The following TFPI variants were observed in gnomAD, a reference collection of about 807,000 sequenced individuals.
TFPI encodes the protein anti-convertin.
TFPI carries 15 observed loss-of-function variants against 34.6 expected under a neutral mutation model. That is an observed-to-expected ratio of 0.43 (90% CI 0.29 to 0.67). The LOEUF (loss-of-function observed/expected upper bound fraction) is 0.67, where lower values mean the gene tolerates loss of function less well. Ranked by LOEUF, TFPI falls within the 30% of genes least tolerant of loss-of-function variation. The pLI is 0.15. For missense variants in TFPI, 301 were observed against 364.0 expected, an observed-to-expected ratio of 0.83 and a Z score of 1.41; for synonymous variants, 105 against 120.1, an observed-to-expected ratio of 0.87 and a Z score of 0.82.
chr2:187,486,527 A>G (rs1382013045), intron 4 of TFPI, among the ~76,000 whole-genome samples: 1 of 151,694 alleles, frequency 6.6e-6, no homozygotes, highest in Non-Finnish European at 1.5e-5. Context: ...ACAACAAACA[A>G]TAAACTGTAC....
chr2:187,547,356 A>AT (rs1369599220), intron 1 of TFPI: 2 of 152,228 alleles, frequency 1.3e-5, no homozygotes, highest in Admixed American at 1.3e-4. Flanking sequence ...TGTAAGTACA[A>AT]TAAACATGAC....
At chr2:187,519,114 T>G (rs1687201060) in intron 1 of TFPI, 1 of 152,192 alleles carries the variant, frequency 6.6e-6, no homozygotes, top group Non-Finnish European at 1.5e-5. Context: ...TGGAGGAGTT[T>G]ATTATCCACC....
At chr2:187,489,673 A>C (rs1684978989) in intron 3 of TFPI, among the ~76,000 whole-genome samples, 1 of 151,556 alleles carries the variant, frequency 6.6e-6, no homozygotes, top group East Asian at 1.9e-4. Context: ...ATGCTTGATT[A>C]ATACAATTTT....
In TFPI at chr2:187,467,822, A is replaced by C. The variant is rs775825146; in HGVS notation, c.739T>G (p.Tyr247Asp). Reference protein sequence around the residue: ...SVIGKCRPFKYSGCGGNENNF... With the variant: ...SVIGKCRPFKDSGCGGNENNF... ...TTTTCATTTCCCCCACATCCACTGT[A>C]CTTAAATGGGCGGCATTTCCCAATG... is the stretch of plus-strand genomic sequence containing the variant. The change falls in exon 7 of 8, where the codon TAC (tyrosine) becomes GAC (aspartate). Residue 247 changes from tyrosine to aspartate, a missense_variant. Coordinates refer to ENST00000233156, the MANE Select transcript of TFPI (RefSeq NM_006287.6). The C allele has an allele frequency of 2.5e-6, 4 of 1,612,720 alleles. No homozygotes were observed. Among genetic ancestry groups the C allele is most frequent in the Non-Finnish European group, 3.4e-6 (4 of 1,179,410 alleles).
intron 1 of TFPI, among the ~76,000 whole-genome samples, chr2:187,505,821 A>G (rs1686173227): frequency 1.3e-5 from 2 of 152,222 alleles, no homozygotes; most frequent in South Asian, 4.1e-4. Flanking sequence ...ATAGCATGGC[A>G]AATATTAATG....
At position 187,513,049 on chromosome 2, in the gene TFPI, T is replaced by C. The variant is rs1017651349; in HGVS notation, c.-2-9279A>G. Among the ~76,000 whole-genome samples, 12 of 152,134 alleles carry C rather than the reference T, an allele frequency of 7.9e-5. 1 individual carries two copies. Among genetic ancestry groups the C allele is most frequent in the Admixed American group, 7.2e-4 (11 of 15,268 alleles). On this transcript the variant is annotated intron_variant, in intron 1 of 7. Coordinates refer to ENST00000233156, the MANE Select transcript of TFPI (RefSeq NM_006287.6). ...TGCAAGGTGTATAAGGAAAGTAAAA[T>C]ATACCTTTGGTAAAGGGATTATAAG... is the stretch of plus-strand genomic sequence containing the variant.
At chr2:187,510,007 T>A (rs1686510505) in intron 1 of TFPI, among the ~76,000 whole-genome samples, 1 of 152,142 alleles carries the variant, frequency 6.6e-6, no homozygotes, top group Non-Finnish European at 1.5e-5. Flanking sequence ...AAATCACCCC[T>A]CCCATTGTCC....
intron 1 of TFPI, among the ~76,000 whole-genome samples, chr2:187,552,434 G>A (rs1040549452): frequency 1.3e-5 from 2 of 152,032 alleles, no homozygotes; most frequent in Non-Finnish European, 2.9e-5. Flanking sequence ...TTGAAAATTA[G>A]AGTTTATTAC....
intron 1 of TFPI, among the ~76,000 whole-genome samples, chr2:187,535,279 A>G (rs1688188930): frequency 6.6e-6 from 1 of 152,216 alleles, no homozygotes; most frequent in South Asian, 2.1e-4. Context: ...AATCAACAGA[A>G]TATATATTCT....
At chr2:187,554,125 A>C (rs1040887944) in intron 1 of TFPI, 75 bp downstream of exon 1, 4 of 151,974 alleles carry the variant, frequency 2.6e-5, no homozygotes, top group Non-Finnish European at 5.9e-5. Context: ...GCCTCTCAGC[A>C]CCCTGCTTTT....
chr2:187,472,899 C>T (rs1403215507), intron 6 of TFPI, among the ~76,000 whole-genome samples: 1 of 151,940 alleles, frequency 6.6e-6, no homozygotes, highest in Non-Finnish European at 1.5e-5. Context: ...GTGGTCCCAG[C>T]TACTAGGGAG....
intron 1 of TFPI, among the ~76,000 whole-genome samples, chr2:187,534,865 A>G (rs1277299155): frequency 2.0e-5 from 3 of 151,846 alleles, no homozygotes; most frequent in Non-Finnish European, 4.4e-5. Context: ...GTAAAGGGAT[A>G]GAGGAATATT....
chr2:187,517,479 A>C (rs931202166), intron 1 of TFPI: 1 of 152,146 alleles, frequency 6.6e-6, no homozygotes, highest in Non-Finnish European at 1.5e-5. Context: ...CCTGAGTTCT[A>C]ATTTGATTGC....
At position 187,497,020 on chromosome 2, in the gene TFPI, A is replaced by G; in HGVS notation, c.180T>C (p.Asp60=). 1 of 1,613,392 alleles carries G rather than the reference A, an allele frequency of 6.2e-7. No homozygotes were observed. The highest frequency in any genetic ancestry group is 8.5e-7 in the Non-Finnish European group (1 of 1,179,550). Reference sequence around the variant, plus strand: ...TTTTCATGATTGCTTTACATGGGCCATCATCCGCCTTGAATGCACAAAATG... The same window carrying G: ...TTTTCATGATTGCTTTACATGGGCCGTCATCCGCCTTGAATGCACAAAATG... ...MHSFCAFKAD[D]GPCKAIMKRF... Residue 60 remains aspartate, a synonymous_variant, in exon 3 of 8, where the codon GAT becomes GAC. Transcript: ENST00000233156.
At chr2:187,527,363 C>T (rs567000903) in intron 1 of TFPI, 1 of 152,206 alleles carries the variant, frequency 6.6e-6, no homozygotes, top group East Asian at 1.9e-4. Flanking sequence ...CAATGGAGAA[C>T]TTGCATAATC....
chr2:187,488,225 ATATC>A lies in TFPI; in HGVS notation c.358+108_358+111del, dbSNP rs2106032666. The A allele has an allele frequency of 1.2e-5, 9 of 746,714 alleles. No individual in the cohort carries two copies. The South Asian group carries it at 1.6e-4, about 13-fold the overall frequency. The allele number at this position is 746,714 out of a possible 1,614,324, so 46.3% of individuals were successfully genotyped here. A position where few individuals can be genotyped will look rare whatever the true frequency, so the allele number is the denominator to read the frequency against. On this transcript the variant is annotated intron_variant, in intron 4 of 7. Transcript: ENST00000233156. ...AATCTCAGAGAAACTTAAGAATTGA[ATATC>A]TATACTGAATCAGGGACCAGAAAAA...
chr2:187,498,378 A>G (rs1460270078), intron 2 of TFPI, among the ~76,000 whole-genome samples: 1 of 151,816 alleles, frequency 6.6e-6, no homozygotes, highest in Non-Finnish European at 1.5e-5. Flanking sequence ...TTATTATTCT[A>G]ATAATCAATT....
At chr2:187,533,223 A>T (rs541268914) in intron 1 of TFPI, among the ~76,000 whole-genome samples, 88 of 152,316 alleles carry the variant, frequency 5.8e-4, no homozygotes, top group South Asian at 3.1e-3. Context: ...GCTAAGAGAC[A>T]GACTGCCTCT....
At chr2:187,505,964 A>G (rs1686184262) in intron 1 of TFPI, among the ~76,000 whole-genome samples, 1 of 152,078 alleles carries the variant, frequency 6.6e-6, no homozygotes, top group South Asian at 2.1e-4. Context: ...ACAGCAAGCC[A>G]TAGCTAAATA....
Sources: gnomAD v4.1 joint callset for allele counts (sites outside exome capture counted in the v4.1 genomes callset) on GRCh38, gnomAD v4.1.1 for gene constraint, MANE v1.5 for transcripts, NCBI Gene and HGNC (gene_info 2026-07-23, HGNC 2026-07-21) for gene names.